AHSA1: variants seen among roughly 807,000 people sequenced by gnomAD.
The protein encoded by AHSA1 is activator of 90 kDa heat shock protein ATPase homolog 1.
A neutral mutation model predicts 46.1 loss-of-function variants in AHSA1; 14 were observed. That is an observed-to-expected ratio of 0.30 (90% CI 0.20 to 0.47). The LOEUF is 0.47. AHSA1 is among the 20% of genes least tolerant of loss of function. The pLI, the probability that AHSA1 is intolerant of heterozygous loss-of-function variation, is 0.99. For synonymous variants in AHSA1, 147 were observed against 145.8 expected (o/e 1.01, Z -0.06); for missense variants, 333 against 415.9 (o/e 0.80, Z 1.73).
At chr14:77,468,051 CTTTTT>C (rs34989956) in intron 6 of AHSA1, 27 bp from the exon 7 acceptor site, 1,353 of 681,202 alleles carry the variant, frequency 2.0e-3, no homozygotes, top group Middle Eastern at 7.0e-3. Context: ...TCTTCTGCCT[CTTTTT>C]TTTTTTTTTT....
chr14:77,460,354 A>C (rs1221011552), intron 2 of AHSA1: 1 of 162,682 alleles, frequency 6.1e-6, no homozygotes, highest in East Asian at 1.8e-4. Flanking sequence ...GAATGTAAAA[A>C]GGCACTAAAG....
chr14:77,459,633 C>T lies in AHSA1; in HGVS notation c.98C>T (p.Ser33Leu), dbSNP rs1204473632. 3 of 1,614,070 alleles carry T rather than the reference C, an allele frequency of 1.9e-6. No homozygotes were observed. The African/African-American group carries it at 4.0e-5, about 22-fold the overall frequency. ...CTTTGCAGGACGGAGAGAGATGCTT[C>T]AAATTGGTCCACGGATAAGCTGAAA... The part of the protein sequence containing the change: ...NNWHWTERDA[S>L]NWSTDKLKTL... The change falls in exon 2 of 9, where the codon TCA (serine) becomes TTA (leucine). Residue 33 changes from serine to leucine, a missense_variant. Ser to Leu is a moderately radical substitution (Grantham distance 145). Coordinates refer to ENST00000216479, the MANE Select transcript of AHSA1 (RefSeq NM_012111.3).
intron 3 of AHSA1, 42 bp downstream of exon 3, chr14:77,462,284 C>T (rs779161071): frequency 1.2e-5 from 19 of 1,555,166 alleles, no homozygotes; most frequent in Middle Eastern, 3.3e-4. Context: ...TCTATATCCT[C>T]TTATTCTCAG....
intron 1 of AHSA1, among the ~76,000 whole-genome samples, chr14:77,458,557 G>A (rs1342765682): frequency 3.3e-5 from 5 of 152,260 alleles, no homozygotes; most frequent in Non-Finnish European, 7.3e-5. Context: ...CCCGAGCAGG[G>A]AGGTGCTTAT....
At chr14:77,463,243 C>G (rs139436748) in intron 4 of AHSA1, 1 of 177,544 alleles carries the variant, frequency 5.6e-6, no homozygotes, top group African/African-American at 2.4e-5. Context: ...GATCATGCCA[C>G]TGCACTCCAG....
chr14:77,461,645 C>T (rs2079025604), intron 2 of AHSA1, among the ~76,000 whole-genome samples: 4 of 152,186 alleles, frequency 2.6e-5, no homozygotes, highest in Admixed American at 1.3e-4. Context: ...ATGGGTATGG[C>T]TCACAACACA....
At position 77,460,437 on chromosome 14, in the gene AHSA1, C is replaced by T. The variant is rs369491794; in HGVS notation, c.271+631C>T. Among the ~76,000 whole-genome samples the T allele has an allele frequency of 2.0e-4, 22 of 109,866 alleles. No individual in the cohort carries two copies. In the East Asian group the frequency reaches 2.4e-3, roughly 12 times the overall value. 72.1% of individuals were successfully genotyped at this position (109,866 alleles called of 152,430 possible). ...AAATTTGTGCTTTGATAAACATTTCCGAAGTGAACAGTCATATCATAAAGA... is the reference window on the plus strand; with the variant it reads ...AAATTTGTGCTTTGATAAACATTTCTGAAGTGAACAGTCATATCATAAAGA... On this transcript the variant is annotated intron_variant, in intron 2 of 8. Transcript: ENST00000216479.
Position 77,458,390 on chromosome 14 carries a change from T to G in AHSA1, c.80+121T>G, listed in dbSNP as rs551073528. The G allele has an allele frequency of 1.0e-3, 1,029 of 1,033,936 alleles. 1 individual carries two copies. The highest frequency in any genetic ancestry group is 2.1e-3 in the South Asian group (129 of 62,736). The allele number at this position is 1,033,936 out of a possible 1,614,324, so 64.0% of individuals were successfully genotyped here. A position where few individuals can be genotyped will look rare whatever the true frequency, so the allele number is the denominator to read the frequency against. On this transcript the variant is annotated intron_variant, in intron 1 of 8. Transcript: ENST00000216479. ...AGGTAGCCCTGTCCGGAGATGGGGG[T>G]GGGTCCTTCCTGTGGCAGGGGTCCG...
At chr14:77,462,339 G>A in intron 3 of AHSA1, 97 bp downstream of exon 3, 1 of 1,256,846 alleles carries the variant, frequency 8.0e-7, no homozygotes, top group Non-Finnish European at 1.1e-6. Context: ...CCCAGGCTTG[G>A]TCCAAGCATT....
At chr14:77,461,644 G>A (rs527872515) in intron 2 of AHSA1, among the ~76,000 whole-genome samples, 14 of 152,338 alleles carry the variant, frequency 9.2e-5, no homozygotes, top group African/African-American at 3.4e-4. Flanking sequence ...GATGGGTATG[G>A]CTCACAACAC....
At chr14:77,468,423 A>G (rs1437703500) in intron 7 of AHSA1, 34 bp from the exon 8 acceptor site, 2 of 1,583,326 alleles carry the variant, frequency 1.3e-6, no homozygotes, top group Non-Finnish European at 1.7e-6. Context: ...ACATTGTAGT[A>G]TATAATATAG....
Position 77,462,705 on chromosome 14 carries a change from G to T in AHSA1, c.418G>T (p.Gly140Trp). 6.2e-7 allele frequency: 1 copy of T among 1,614,146 alleles called. No homozygotes were observed. Among genetic ancestry groups the T allele is most frequent in the Non-Finnish European group, 8.5e-7 (1 of 1,180,008 alleles). The change falls in exon 4 of 9, where the codon GGG (glycine) becomes TGG (tryptophan). Residue 140 changes from glycine (G) to tryptophan (W), a missense_variant. Gly to Trp is a radical substitution (Grantham distance 184). Coordinates refer to ENST00000216479, the MANE Select transcript of AHSA1 (RefSeq NM_012111.3). The stretch of plus-strand genomic sequence containing the variant: ...TCTCGTGGCCTTAATGAAGGAAGAA[G>T]GGGTGAAACTTCTAAGAGAAGCAAT... Reference protein sequence around the residue: ...TNLVALMKEEGVKLLREAMGI... With the variant: ...TNLVALMKEEWVKLLREAMGI...
intron 1 of AHSA1, among the ~76,000 whole-genome samples, 186 bp downstream of exon 1, chr14:77,458,455 G>A (rs148117612): frequency 6.6e-6 from 1 of 152,290 alleles, no homozygotes; most frequent in Non-Finnish European, 1.5e-5. Context: ...CCTTCTCAGT[G>A]TTTGAGGGGA....
intron 8 of AHSA1, 108 bp from the exon 9 acceptor site, chr14:77,468,969 A>T: frequency 7.6e-7 from 1 of 1,313,200 alleles, no homozygotes; most frequent in Non-Finnish European, 1.1e-6. Flanking sequence ...CAGCCTGCCA[A>T]AGTGCTGGGA....
At position 77,462,669 on chromosome 14, in the gene AHSA1, C is replaced by A. The variant is rs1400577879; in HGVS notation, c.382C>A (p.Pro128Thr). 6.2e-7 allele frequency: 1 copy of A among 1,614,142 alleles called. No homozygotes were observed. The highest frequency in any genetic ancestry group is 1.7e-5 in the Admixed American group (1 of 60,020). The change falls in exon 4 of 9, where the codon CCT becomes ACT. Residue 128 changes from proline (P) to threonine (T), a missense_variant. Transcript: ENST00000216479. ...EISVSLAKDE[P>T]DTNLVALMKE... is the part of the protein sequence containing the mutation. ...TAGTGTGAGCCTTGCCAAAGATGAGCCTGACACAAATCTCGTGGCCTTAAT... is the reference window on the plus strand; with the variant it reads ...TAGTGTGAGCCTTGCCAAAGATGAGACTGACACAAATCTCGTGGCCTTAAT...
At position 77,464,662 on chromosome 14, in the gene AHSA1, A is replaced by G; in HGVS notation, c.537A>G (p.Pro179=). Residue 179 remains proline (P), a synonymous_variant, in exon 5 of 9, where the codon CCA becomes CCG. Transcript: ENST00000216479. ...AGTCAGTAGACCCAGTGGGGCAGCC[A>G]GCACTGAAAACTGAGGAGCGCAAGG... ...NGESVDPVGQ[P]ALKTEERKAK... is the part of the protein sequence containing the mutation. The G allele has an allele frequency of 6.2e-7, 1 of 1,614,014 alleles. No individual in the cohort carries two copies. The highest frequency in any genetic ancestry group is 1.1e-5 in the South Asian group (1 of 91,064).
chr14:77,462,608 G>A (rs1199669398), intron 3 of AHSA1, 34 bp from the exon 4 acceptor site: 2 of 1,603,218 alleles, frequency 1.2e-6, no homozygotes, highest in South Asian at 1.1e-5. Context: ...TGCCCCTCAA[G>A]TTATTTACCA....
intron 2 of AHSA1, among the ~76,000 whole-genome samples, 161 bp from the exon 3 acceptor site, chr14:77,461,999 G>T (rs2079027470): frequency 6.6e-6 from 1 of 152,152 alleles, no homozygotes; most frequent in Admixed American, 6.5e-5. Flanking sequence ...ATTTCTTTTG[G>T]GGGTGCGGGT....
Position 77,469,437 on chromosome 14 carries a change from G to C in AHSA1, c.*188G>C, listed in dbSNP as rs982276978. Reference sequence around the variant, plus strand: ...GTTCAGAGGGCAATTTCTCTTTTATGTGTACATATGCTAAATAAACATAAT... The same window carrying C: ...GTTCAGAGGGCAATTTCTCTTTTATCTGTACATATGCTAAATAAACATAAT... On this transcript the variant is annotated 3_prime_UTR_variant, in exon 9 of 9. Coordinates refer to ENST00000216479, the MANE Select transcript of AHSA1 (RefSeq NM_012111.3). The C allele has an allele frequency of 1.7e-6, 1 of 583,166 alleles. No individual in the cohort carries two copies. The highest frequency in any genetic ancestry group is 1.9e-5 in the African/African-American group (1 of 53,708). 36.1% of individuals were successfully genotyped at this position (583,166 alleles called of 1,614,324 possible). A position where few individuals can be genotyped will look rare whatever the true frequency, so the allele number is the denominator to read the frequency against.
Sources: allele counts gnomAD v4.1 joint callset (sites outside exome capture counted in the v4.1 genomes callset), GRCh38; gene constraint gnomAD v4.1.1; transcripts MANE v1.5; gene names NCBI Gene and HGNC (gene_info 2026-07-23, HGNC 2026-07-21).